PAK5: variants seen among roughly 807,000 people sequenced by gnomAD.
The protein encoded by PAK5 is p21 (RAC1) activated kinase 5.
PAK5 carries 16 observed loss-of-function variants against 65.9 expected under a neutral mutation model. That is an observed-to-expected ratio of 0.24 (90% CI 0.16 to 0.37). PAK5 has a LOEUF of 0.37. Among genes scored for constraint, PAK5 ranks in the 10% least tolerant of loss-of-function variants. The pLI is 1.00. For missense variants in PAK5, 785 were observed against 903.9 expected (o/e 0.87, Z 1.69); for synonymous variants, 371 against 354.9 (o/e 1.05, Z -0.51).
At chr20:9,779,450 C>T (rs1042997776) in intron 1 of PAK5, among the ~76,000 whole-genome samples, 4 of 148,140 alleles carry the variant, frequency 2.7e-5, no homozygotes, top group Admixed American at 1.4e-4. Context: ...CAGTATCGTT[C>T]TTTTTTTCAC....
intron 1 of PAK5, among the ~76,000 whole-genome samples, chr20:9,777,972 T>C (rs928091641): frequency 6.6e-6 from 1 of 152,208 alleles, no homozygotes; most frequent in Non-Finnish European, 1.5e-5. Flanking sequence ...TGAAGCTCTA[T>C]GGGCATGAGA....
chr20:9,539,088 C>CTTTT lies in PAK5; in HGVS notation c.*370_*373dup, dbSNP rs556134977. 1.5e-4 allele frequency: 32 copies of CTTTT among 211,704 alleles called. No individual in the cohort carries two copies. Among genetic ancestry groups the CTTTT allele is most frequent in the Non-Finnish European group, 2.4e-4 (26 of 110,090 alleles). 13.1% of individuals were successfully genotyped at this position (211,704 alleles called of 1,614,324 possible). A position where few individuals can be genotyped will look rare whatever the true frequency, so the allele number is the denominator to read the frequency against. On this transcript the variant is annotated 3_prime_UTR_variant, in exon 10 of 10. Transcript: ENST00000353224. ...AAGTGCTTTTTGTTTTCCTTTCTTT[C>CTTTT]TTTTTTTTTTTTTTTTGCCAGAAAA...
intron 8 of PAK5, among the ~76,000 whole-genome samples, chr20:9,543,912 A>G (rs1344921326): frequency 6.6e-6 from 1 of 152,228 alleles, no homozygotes. Flanking sequence ...AAAACAGTGT[A>G]GGTCCTTCAC....
intron 6 of PAK5, among the ~76,000 whole-genome samples, chr20:9,558,947 G>GCCATT (rs1207467616): frequency 6.6e-6 from 1 of 152,174 alleles, no homozygotes; most frequent in Non-Finnish European, 1.5e-5. Context: ...GAAATGGCCA[G>GCCATT]GTCATGATTC....
chr20:9,809,900 C>A (rs1054932727), intron 1 of PAK5, among the ~76,000 whole-genome samples: 1 of 152,178 alleles, frequency 6.6e-6, no homozygotes, highest in Non-Finnish European at 1.5e-5. Context: ...AGCTGTCAAA[C>A]TTTGGAAGAC....
At chr20:9,750,747 G>A (rs1173680351) in intron 1 of PAK5, among the ~76,000 whole-genome samples, 2 of 152,160 alleles carry the variant, frequency 1.3e-5, no homozygotes, top group South Asian at 2.1e-4. Context: ...GCCCAATGAG[G>A]ATACATATGT....
chr20:9,593,156 T>C (rs1240975126), intron 3 of PAK5, among the ~76,000 whole-genome samples: 1 of 150,626 alleles, frequency 6.6e-6, no homozygotes, highest in Non-Finnish European at 1.5e-5. Context: ...AAAAAAAAAA[T>C]AGCTGGGCAT....
intron 1 of PAK5, among the ~76,000 whole-genome samples, chr20:9,730,817 C>T (rs1408368698): frequency 6.6e-6 from 1 of 152,192 alleles, no homozygotes; most frequent in African/African-American, 2.4e-5. Flanking sequence ...TGTGCTAACC[C>T]TTGATCTATT....
chr20:9,614,700 C>T (rs1300231877), intron 3 of PAK5, among the ~76,000 whole-genome samples: 3 of 152,136 alleles, frequency 2.0e-5, no homozygotes, highest in Admixed American at 6.5e-5. Context: ...AAAAAAACTC[C>T]ACCAGTCTAG....
chr20:9,662,257 C>A (rs2047356889), intron 2 of PAK5, among the ~76,000 whole-genome samples: 2 of 152,092 alleles, frequency 1.3e-5, no homozygotes, highest in African/African-American at 4.8e-5. Flanking sequence ...TGATGATGTT[C>A]ACCATGTTCA....
chr20:9,580,287 C>A lies in PAK5; in HGVS notation c.848G>T (p.Arg283Leu), dbSNP rs369268475. 7.1e-5 allele frequency: 114 copies of A among 1,613,986 alleles called. No homozygotes were observed. The highest frequency in any genetic ancestry group is 9.2e-5 in the Non-Finnish European group (108 of 1,180,016). Residue 283 changes from arginine (R) to leucine (L), a missense_variant, in exon 4 of 10, where the codon CGG becomes CTG. By Grantham distance (102) the Arg-to-Leu change is moderately radical. Coordinates refer to ENST00000353224, the MANE Select transcript of PAK5 (RefSeq NM_177990.4). ...TCCCGAGCCTGACCTGGACCTCTGC[C>A]GCATGGTGGGCTGAGGGCTTGTCTG... ...LNQTSPQPTM[R>L]QRSRSGSGLQ...
chr20:9,593,010 G>A (rs2046199059), intron 3 of PAK5, among the ~76,000 whole-genome samples: 1 of 152,148 alleles, frequency 6.6e-6, no homozygotes, highest in Non-Finnish European at 1.5e-5. Flanking sequence ...ACTATTAGGA[G>A]TTGGCAGGGC....
At chr20:9,629,902 G>A (rs546701534) in intron 3 of PAK5, among the ~76,000 whole-genome samples, 1 of 152,298 alleles carries the variant, frequency 6.6e-6, no homozygotes, top group African/African-American at 2.4e-5. Context: ...ACTGGACATT[G>A]AGGATGCTGA....
At chr20:9,556,409 G>A (rs1400514429) in intron 7 of PAK5, among the ~76,000 whole-genome samples, 4 of 152,294 alleles carry the variant, frequency 2.6e-5, no homozygotes, top group African/African-American at 9.6e-5. Flanking sequence ...AAAGTGCTTG[G>A]ACAGTTTCTT....
intron 1 of PAK5, among the ~76,000 whole-genome samples, chr20:9,806,037 C>T (rs902802334): frequency 2.3e-4 from 35 of 152,164 alleles, no homozygotes; most frequent in African/African-American, 7.5e-4. Flanking sequence ...TGATCTCAGC[C>T]CCCTGCAACC....
At chr20:9,738,720 A>G (rs566285599) in intron 1 of PAK5, among the ~76,000 whole-genome samples, 29 of 152,310 alleles carry the variant, frequency 1.9e-4, no homozygotes, top group African/African-American at 6.5e-4. Context: ...AAAACTTCAG[A>G]GTGATGGAGA....
intron 3 of PAK5, among the ~76,000 whole-genome samples, chr20:9,631,389 G>C (rs767045555): frequency 6.6e-6 from 1 of 152,184 alleles, no homozygotes; most frequent in Non-Finnish European, 1.5e-5. Context: ...TCACTTCTGT[G>C]AGTACATTAT....
At chr20:9,693,607 T>C (rs1483036679) in intron 2 of PAK5, among the ~76,000 whole-genome samples, 1 of 152,178 alleles carries the variant, frequency 6.6e-6, no homozygotes. Context: ...GTCAGTAATG[T>C]AGAATTTCAA....
chr20:9,767,641 G>C (rs933703785), intron 1 of PAK5, among the ~76,000 whole-genome samples: 2 of 152,112 alleles, frequency 1.3e-5, no homozygotes, highest in African/African-American at 4.8e-5. Flanking sequence ...GCTTTCTGTA[G>C]AGTACCTCTT....
Sources: allele counts gnomAD v4.1 joint callset (sites outside exome capture counted in the v4.1 genomes callset), GRCh38; gene constraint gnomAD v4.1.1; transcripts MANE v1.5; gene names NCBI Gene and HGNC (gene_info 2026-07-23, HGNC 2026-07-21).